Variants in MEF2A observed in about 807,000 individuals in gnomAD.
MEF2A encodes myocyte-specific enhancer factor 2A.
In MEF2A, 28 loss-of-function variants were observed where a neutral mutation model predicts 55.8. The ratio of observed to expected loss-of-function variants is 0.50; its 90% CI spans 0.37 to 0.69. MEF2A has a LOEUF of 0.69. Ranked by LOEUF, MEF2A falls within the 30% of genes least tolerant of loss-of-function variation. The pLI, the probability that MEF2A is intolerant of heterozygous loss-of-function variation, is 0.00. For synonymous variants in MEF2A, 239 were observed against 227.1 expected, an observed-to-expected ratio of 1.05 and a Z score of -0.47; for missense variants, 528 against 626.2, an observed-to-expected ratio of 0.84 and a Z score of 1.67.
chr15:99,706,603 C>T (rs1773821325), intron 9 of MEF2A, 126 bp from the exon 10 acceptor site: 2 of 1,032,768 alleles, frequency 1.9e-6, no homozygotes, highest in South Asian at 1.4e-5. Flanking sequence ...GAAGTTTTCA[C>T]ATCATCAGTG....
Position 99,603,681 on chromosome 15 carries a change from G to A in MEF2A, c.-143+5170G>A, listed in dbSNP as rs567831189. ...CTCCCAAAGTGCTGGGATTACAGGT[G>A]TGAGCCACCATGCCCAGCCAGTGTT... On this transcript the variant is annotated intron_variant, in intron 2 of 11. Transcript: ENST00000557942. 3.3e-5 allele frequency among the ~76,000 whole-genome samples: 5 copies of A among 152,150 alleles called. No individual in the cohort carries two copies. In the South Asian group the frequency reaches 1.0e-3, roughly 32 times the overall value.
intron 1 of MEF2A, among the ~76,000 whole-genome samples, chr15:99,572,989 G>A (rs2152747618): frequency 6.6e-6 from 1 of 152,300 alleles, no homozygotes; most frequent in Non-Finnish European, 1.5e-5. Flanking sequence ...GTTGAATTGA[G>A]TAGAAGTTGT....
Position 99,619,917 on chromosome 15 carries a change from A to G in MEF2A, c.-142-13061A>G, listed in dbSNP as rs538628826. Among the ~76,000 whole-genome samples the G allele has an allele frequency of 3.3e-5, 5 of 152,320 alleles. No individual in the cohort carries two copies. In the South Asian group the frequency reaches 8.3e-4, roughly 25 times the overall value. ...GTAAACCTTCTCAGTCAGGTTGTGA[A>G]GAAAGAGTAACTGGAAATTGCACAA... On this transcript the variant is annotated intron_variant, in intron 2 of 11. Transcript: ENST00000557942.
chr15:99,571,512 T>G (rs1266162238), intron 1 of MEF2A, among the ~76,000 whole-genome samples: 1 of 152,190 alleles, frequency 6.6e-6, no homozygotes, highest in African/African-American at 2.4e-5. Context: ...CTTTTGAGGC[T>G]CATTTTCAGC....
chr15:99,574,350 G>A (rs1289249780), intron 1 of MEF2A, among the ~76,000 whole-genome samples: 1 of 152,144 alleles, frequency 6.6e-6, no homozygotes, highest in Non-Finnish European at 1.5e-5. Context: ...AATGGTGGGG[G>A]GAGGGGATGG....
chr15:99,572,018 T>G (rs1368979718), intron 1 of MEF2A, among the ~76,000 whole-genome samples: 1 of 151,388 alleles, frequency 6.6e-6, no homozygotes, highest in Non-Finnish European at 1.5e-5. Context: ...TAGAAGTTTT[T>G]TTTTTTTTTT....
chr15:99,625,827 G>A (rs1000260724), intron 2 of MEF2A, among the ~76,000 whole-genome samples: 1 of 151,944 alleles, frequency 6.6e-6, no homozygotes, highest in African/African-American at 2.4e-5. Flanking sequence ...AATCCCACTT[G>A]ATCACCATTA....
chr15:99,671,617 A>G, intron 5 of MEF2A, 163 bp downstream of exon 5: 1 of 1,593,158 alleles, frequency 6.3e-7, no homozygotes, highest in Non-Finnish European at 8.6e-7. Flanking sequence ...AAAAAAATTA[A>G]TGAGGAATTT....
chr15:99,574,856 A>G (rs192846630), intron 1 of MEF2A, among the ~76,000 whole-genome samples: 39 of 152,350 alleles, frequency 2.6e-4, no homozygotes, highest in Admixed American at 2.5e-3. Flanking sequence ...AGTTAAAGTC[A>G]GTGGCAAAAC....
At chr15:99,686,276 TG>T (rs1357228693) in intron 7 of MEF2A, among the ~76,000 whole-genome samples, 5 of 152,188 alleles carry the variant, frequency 3.3e-5, no homozygotes, top group Admixed American at 1.3e-4. Flanking sequence ...TTGTGTTAGT[TG>T]TTGCCTGAAT....
chr15:99,600,402 A>T (rs771683399), intron 2 of MEF2A, among the ~76,000 whole-genome samples: 5 of 152,120 alleles, frequency 3.3e-5, no homozygotes, highest in Non-Finnish European at 7.4e-5. Flanking sequence ...CTTTTTGAAT[A>T]GATTCGTATG....
At chr15:99,710,810 C>A (rs325403) in intron 11 of MEF2A, 50 bp downstream of exon 11, 265 of 1,562,652 alleles carry the variant, frequency 1.7e-4, no homozygotes, top group Non-Finnish European at 2.1e-4. Context: ...CCTACACACT[C>A]TCTTTTCCTA....
At chr15:99,565,441 G>A (rs1488838262), upstream of MEF2A, 1 of 149,282 alleles carries the variant, frequency 6.7e-6, no homozygotes, top group African/African-American at 2.4e-5. Flanking sequence ...CGCGTCACCG[G>A]GCCGCTCCCG....
At chr15:99,678,728 A>G in intron 7 of MEF2A, 7 of 950,078 alleles carry the variant, frequency 7.4e-6, no homozygotes, top group African/African-American at 1.8e-5. Flanking sequence ...AGACTTCTTA[A>G]ATAAGAAACC....
chr15:99,663,410 A>C (rs2153581744), intron 4 of MEF2A, among the ~76,000 whole-genome samples: 1 of 152,228 alleles, frequency 6.6e-6, no homozygotes, highest in South Asian at 2.1e-4. Flanking sequence ...CCAAGAACTG[A>C]AAACACTTTT....
chr15:99,634,422 G>T (rs2043419438), intron 3 of MEF2A, among the ~76,000 whole-genome samples: 1 of 152,186 alleles, frequency 6.6e-6, no homozygotes, highest in African/African-American at 2.4e-5. Context: ...AAGCAAGGCT[G>T]CAAATTATCT....
chr15:99,640,311 G>C (rs753389153), intron 3 of MEF2A, among the ~76,000 whole-genome samples: 5 of 152,038 alleles, frequency 3.3e-5, no homozygotes, highest in Non-Finnish European at 5.9e-5. Flanking sequence ...TAATAATACT[G>C]TTTTATACAT....
intron 2 of MEF2A, among the ~76,000 whole-genome samples, chr15:99,623,805 G>GTTT (rs376836592): frequency 2.9e-5 from 4 of 139,140 alleles, no homozygotes; most frequent in East Asian, 2.1e-4. Context: ...ATGATCTGCC[G>GTTT]TTTTTTTTTT....
At chr15:99,708,058 G>T (rs2058235671) in intron 10 of MEF2A, among the ~76,000 whole-genome samples, 1 of 152,148 alleles carries the variant, frequency 6.6e-6, no homozygotes, top group Non-Finnish European at 1.5e-5. Flanking sequence ...CCTGTTATTA[G>T]TGCCTTGCAC....
Sources: allele counts gnomAD v4.1 joint callset (sites outside exome capture counted in the v4.1 genomes callset), GRCh38; gene constraint gnomAD v4.1.1; transcripts MANE v1.5; gene names NCBI Gene and HGNC (gene_info 2026-07-23, HGNC 2026-07-21).